Variants in HS3ST4 observed in about 807,000 individuals in gnomAD.
HS3ST4 encodes heparan sulfate-glucosamine 3-sulfotransferase 4.
HS3ST4 carries 17 observed loss-of-function variants against 29.2 expected under a neutral mutation model. That is an observed-to-expected ratio of 0.58 (90% CI 0.40 to 0.87). The LOEUF (loss-of-function observed/expected upper bound fraction) is 0.87, where lower values mean the gene tolerates loss of function less well. HS3ST4 is among the 40% of genes least tolerant of loss of function. HS3ST4 has a pLI of 0.00. For synonymous variants in HS3ST4, 314 were observed against 285.7 expected (o/e 1.10, Z -1.00); for missense variants, 627 against 634.5 (o/e 0.99, Z 0.13).
chr16:25,909,045 G>C (rs145449122), intron 1 of HS3ST4, among the ~76,000 whole-genome samples: 12 of 152,326 alleles, frequency 7.9e-5, no homozygotes, highest in Non-Finnish European at 1.3e-4. Context: ...GCATCATTCT[G>C]CCCTGGTCAG....
chr16:26,095,962 A>G (rs921524914), intron 1 of HS3ST4, among the ~76,000 whole-genome samples: 5 of 152,040 alleles, frequency 3.3e-5, no homozygotes, highest in Admixed American at 1.3e-4. Flanking sequence ...AGAAATACAA[A>G]CTGCCATCAG....
intron 1 of HS3ST4, among the ~76,000 whole-genome samples, chr16:25,957,866 T>G (rs565379654): frequency 1.0e-4 from 14 of 133,602 alleles, no homozygotes; most frequent in African/African-American, 3.5e-4. Flanking sequence ...GACAGTTGGC[T>G]GCTGGCTGGT....
At chr16:26,053,687 A>G (rs1490615317) in intron 1 of HS3ST4, among the ~76,000 whole-genome samples, 1 of 152,178 alleles carries the variant, frequency 6.6e-6, no homozygotes, top group Non-Finnish European at 1.5e-5. Context: ...TGGAAACCTC[A>G]AAACAGACTC....
intron 1 of HS3ST4, among the ~76,000 whole-genome samples, chr16:25,871,632 AAAAG>A (rs2141659501): frequency 6.6e-6 from 1 of 152,320 alleles, no homozygotes; most frequent in South Asian, 2.1e-4. Context: ...ATTTTTCAAA[AAAAG>A]AAAACTGAAG....
chr16:25,967,918 C>T (rs1968859592), intron 1 of HS3ST4, among the ~76,000 whole-genome samples: 1 of 152,334 alleles, frequency 6.6e-6, no homozygotes, highest in Non-Finnish European at 1.5e-5. Flanking sequence ...AAGCTCTAAT[C>T]TGCCTGTGAC....
intron 1 of HS3ST4, among the ~76,000 whole-genome samples, chr16:25,803,325 C>A (rs1966958622): frequency 6.6e-6 from 1 of 152,110 alleles, no homozygotes; most frequent in Admixed American, 6.6e-5. Context: ...AGACAATTTT[C>A]TTTTCTTGCT....
At chr16:25,789,508 C>T (rs748724517) in intron 1 of HS3ST4, among the ~76,000 whole-genome samples, 3 of 146,588 alleles carry the variant, frequency 2.0e-5, no homozygotes, top group Non-Finnish European at 3.0e-5. Context: ...TTCTTTCTCT[C>T]TCTTTCTTTC....
intron 1 of HS3ST4, among the ~76,000 whole-genome samples, chr16:26,105,902 C>A (rs763876441): frequency 6.6e-6 from 1 of 152,130 alleles, no homozygotes; most frequent in Non-Finnish European, 1.5e-5. Flanking sequence ...CACTTAGATT[C>A]TAAACTAGGA....
intron 1 of HS3ST4, among the ~76,000 whole-genome samples, chr16:25,787,131 C>A (rs1439658654): frequency 6.6e-6 from 1 of 152,120 alleles, no homozygotes; most frequent in Admixed American, 6.5e-5. Flanking sequence ...TTAGGTAAAG[C>A]CATCTGATTT....
At chr16:25,708,728 T>C (rs1438058878) in intron 1 of HS3ST4, among the ~76,000 whole-genome samples, 1 of 152,190 alleles carries the variant, frequency 6.6e-6, no homozygotes, top group Non-Finnish European at 1.5e-5. Flanking sequence ...ATGAGTTTCT[T>C]CTGTATTTAT....
At chr16:26,077,087 A>G (rs1275062863) in intron 1 of HS3ST4, among the ~76,000 whole-genome samples, 1 of 152,148 alleles carries the variant, frequency 6.6e-6, no homozygotes, top group Non-Finnish European at 1.5e-5. Flanking sequence ...ATGCAGCTGC[A>G]GTCCTCCCAC....
intron 1 of HS3ST4, among the ~76,000 whole-genome samples, chr16:26,095,180 C>G (rs1898907763): frequency 6.6e-6 from 1 of 152,104 alleles, no homozygotes; most frequent in South Asian, 2.1e-4. Flanking sequence ...GACTTTAACA[C>G]CCCACTGTCA....
At chr16:25,785,898 C>G (rs1489875173) in intron 1 of HS3ST4, among the ~76,000 whole-genome samples, 1 of 152,078 alleles carries the variant, frequency 6.6e-6, no homozygotes, top group Admixed American at 6.6e-5. Context: ...ATGGCCCAGA[C>G]TGGAAGGTAA....
At chr16:25,856,816 G>A (rs561773747) in intron 1 of HS3ST4, among the ~76,000 whole-genome samples, 1 of 152,242 alleles carries the variant, frequency 6.6e-6, no homozygotes, top group East Asian at 1.9e-4. Flanking sequence ...CTATTCCTGA[G>A]TCGTATTCTT....
chr16:25,772,423 C>A (rs549702619), intron 1 of HS3ST4, among the ~76,000 whole-genome samples: 181 of 152,204 alleles, frequency 1.2e-3, no homozygotes, highest in African/African-American at 4.1e-3. Flanking sequence ...GCTGTGTGAT[C>A]CCGGGTAAGT....
At chr16:25,990,503 T>C (rs2141727976) in intron 1 of HS3ST4, among the ~76,000 whole-genome samples, 1 of 152,324 alleles carries the variant, frequency 6.6e-6, no homozygotes, top group East Asian at 1.9e-4. Flanking sequence ...TCTAGTAGGA[T>C]TATAATGCAT....
At position 26,007,842 on chromosome 16, in the gene HS3ST4, C is replaced by T. The variant is rs139217905; in HGVS notation, c.735-127770C>T. 7.4e-3 allele frequency among the ~76,000 whole-genome samples: 1,121 copies of T among 152,116 alleles called. 3 individuals are homozygous for T. The highest frequency in any genetic ancestry group is 0.012 in the Non-Finnish European group (848 of 68,016). On this transcript the variant is annotated intron_variant, in intron 1 of 1. Coordinates refer to ENST00000331351, the MANE Select transcript of HS3ST4 (RefSeq NM_006040.3). The stretch of plus-strand genomic sequence containing the variant: ...CTTCACCATACAGCCTTTCTTCCCC[C>T]GCCCACCACCTATCCCCCTACAATC...
chr16:25,773,656 A>G (rs1966844930), intron 1 of HS3ST4, among the ~76,000 whole-genome samples: 1 of 152,222 alleles, frequency 6.6e-6, no homozygotes, highest in Non-Finnish European at 1.5e-5. Flanking sequence ...ACAGGTTAAA[A>G]AAATTCAGTA....
intron 1 of HS3ST4, among the ~76,000 whole-genome samples, chr16:26,119,689 T>C (rs1215866056): frequency 1.3e-5 from 2 of 152,208 alleles, no homozygotes; most frequent in Non-Finnish European, 2.9e-5. Context: ...TTCTTTCTCC[T>C]TCTCTTCTTT....
Sources: allele counts gnomAD v4.1 joint callset (sites outside exome capture counted in the v4.1 genomes callset), GRCh38; gene constraint gnomAD v4.1.1; transcripts MANE v1.5; gene names NCBI Gene and HGNC (gene_info 2026-07-23, HGNC 2026-07-21).